Variants in LOC128092252 observed in about 807,000 individuals in gnomAD.
At chr15:50,672,856 G>A in the LOC128092252 span, among the ~76,000 whole-genome samples, 157 of 119,454 alleles carry the variant, frequency 1.3e-3, no homozygotes, top group African/African-American at 4.8e-3. Context: ...GTTGCAGTGA[G>A]CCACTGCACT....
At chr15:50,665,879 G>C in the LOC128092252 span, among the ~76,000 whole-genome samples, 1 of 152,054 alleles carries the variant, frequency 6.6e-6, no homozygotes, top group Non-Finnish European at 1.5e-5. Context: ...TGTAATCCCA[G>C]CTACTCGAGA....
the LOC128092252 span, among the ~76,000 whole-genome samples, chr15:50,669,139 A>C: frequency 6.6e-6 from 1 of 152,124 alleles, no homozygotes; most frequent in African/African-American, 2.4e-5. Flanking sequence ...CCCACAGCTG[A>C]GGTCAGGCGC....
At chr15:50,678,351 A>C in the LOC128092252 span, among the ~76,000 whole-genome samples, 1 of 151,622 alleles carries the variant, frequency 6.6e-6, no homozygotes, top group Non-Finnish European at 1.5e-5. Flanking sequence ...AAGGGTGACC[A>C]ACATGCCTGC....
the LOC128092252 span, among the ~76,000 whole-genome samples, chr15:50,659,340 C>T: frequency 2.0e-5 from 3 of 152,054 alleles, no homozygotes; most frequent in Non-Finnish European, 4.4e-5. Context: ...GAAGACATTC[C>T]AAGGAATGGA....
At chr15:50,669,836 G>A in the LOC128092252 span, among the ~76,000 whole-genome samples, 1 of 152,164 alleles carries the variant, frequency 6.6e-6, no homozygotes, top group East Asian at 1.9e-4. Flanking sequence ...TCTAATTCTG[G>A]GCACATAATA....
chr15:50,686,445 T>TC, the LOC128092252 span: 1 of 1,608,008 alleles, frequency 6.2e-7, no homozygotes, highest in Non-Finnish European at 8.5e-7. Flanking sequence ...GGAACGCGGC[T>TC]CCCCACACAC....
the LOC128092252 span, among the ~76,000 whole-genome samples, chr15:50,649,271 G>C: frequency 1.3e-5 from 2 of 151,828 alleles, no homozygotes; most frequent in East Asian, 3.9e-4. Context: ...ACCCTGACTT[G>C]ACAAAAAATT....
At chr15:50,653,450 T>C in the LOC128092252 span, among the ~76,000 whole-genome samples, 11 of 152,170 alleles carry the variant, frequency 7.2e-5, 1 homozygote, top group Admixed American at 6.6e-4. Context: ...TTCTAGCTAA[T>C]CATGGAATCT....
At chr15:50,684,572 C>T in the LOC128092252 span, among the ~76,000 whole-genome samples, 1 of 151,492 alleles carries the variant, frequency 6.6e-6, no homozygotes, top group African/African-American at 2.4e-5. Context: ...ACCCAGGAGG[C>T]GGAGGCTGCA....
the LOC128092252 span, among the ~76,000 whole-genome samples, chr15:50,669,969 G>A: frequency 6.6e-6 from 1 of 152,150 alleles, no homozygotes; most frequent in Non-Finnish European, 1.5e-5. Context: ...CATTGCTGTT[G>A]TACTCTTTGT....
chr15:50,651,693 A>C, the LOC128092252 span, among the ~76,000 whole-genome samples: 2 of 152,072 alleles, frequency 1.3e-5, no homozygotes, highest in Admixed American at 1.3e-4. Context: ...TATGAGCATG[A>C]TGAAGACCAA....
chr15:50,675,909 G>A, the LOC128092252 span, among the ~76,000 whole-genome samples: 2 of 152,190 alleles, frequency 1.3e-5, no homozygotes, highest in East Asian at 1.9e-4. Context: ...TAGGATCCCA[G>A]CTCTGCTGTT....
chr15:50,675,322 G>A, the LOC128092252 span, among the ~76,000 whole-genome samples: 1 of 149,422 alleles, frequency 6.7e-6, no homozygotes, highest in Non-Finnish European at 1.5e-5. Flanking sequence ...CAACCCAGGC[G>A]ACAAGAGCAA....
At chr15:50,678,803 GA>G in the LOC128092252 span, among the ~76,000 whole-genome samples, 5 of 152,116 alleles carry the variant, frequency 3.3e-5, no homozygotes, top group African/African-American at 1.2e-4. Flanking sequence ...GCCAAGGCAA[GA>G]GGACCACTTA....
At chr15:50,655,891 G>A in the LOC128092252 span, among the ~76,000 whole-genome samples, 1 of 152,058 alleles carries the variant, frequency 6.6e-6, no homozygotes. Flanking sequence ...TGGGGAGGCT[G>A]AGGCAGGAGA....
chr15:50,662,194 A>C, the LOC128092252 span, among the ~76,000 whole-genome samples: 1 of 152,164 alleles, frequency 6.6e-6, no homozygotes, highest in Non-Finnish European at 1.5e-5. Context: ...TCTACTAAAA[A>C]TACAAAAATT....
chr15:50,670,537 A>G, the LOC128092252 span, among the ~76,000 whole-genome samples: 17 of 152,180 alleles, frequency 1.1e-4, no homozygotes, highest in Non-Finnish European at 2.1e-4. Context: ...CACTCTAACC[A>G]GCACCATGAC....
chr15:50,662,035 T>C, the LOC128092252 span, among the ~76,000 whole-genome samples: 1 of 152,126 alleles, frequency 6.6e-6, no homozygotes, highest in East Asian at 1.9e-4. Context: ...CTGGCCAACA[T>C]AGTAAAACCC....
At chr15:50,653,627 G>C in the LOC128092252 span, among the ~76,000 whole-genome samples, 11 of 152,182 alleles carry the variant, frequency 7.2e-5, no homozygotes, top group Non-Finnish European at 1.6e-4. Flanking sequence ...CTCAATCATA[G>C]AGATGACACC....
Sources: allele counts gnomAD v4.1 joint callset (sites outside exome capture counted in the v4.1 genomes callset), GRCh38; gene constraint gnomAD v4.1.1; transcripts MANE v1.5.